JCAD: variants seen among roughly 807,000 people sequenced by gnomAD.
JCAD encodes the protein junctional cadherin 5-associated protein.
Under a neutral mutation model 98.0 loss-of-function variants are expected in JCAD, and 40 were observed. The ratio of observed to expected loss-of-function variants is 0.41; its 90% CI spans 0.32 to 0.53. The LOEUF (loss-of-function observed/expected upper bound fraction) is 0.53. Ranked by LOEUF, JCAD falls within the 20% of genes least tolerant of loss-of-function variation. The pLI is 0.31. For synonymous variants in JCAD, 691 were observed against 682.3 expected (o/e 1.01, Z -0.20); for missense variants, 1,705 against 1,738.1 (o/e 0.98, Z 0.34).
chr10:30,047,416 A>AC, intron 2 of JCAD, 116 bp downstream of exon 2: 1 of 1,253,402 alleles, frequency 8.0e-7, no homozygotes, highest in Non-Finnish European at 1.1e-6. Flanking sequence ...TGTGTCTAAT[A>AC]CCATTTCTCC....
chr10:30,045,664 A>C (rs888298653), intron 2 of JCAD, among the ~76,000 whole-genome samples: 3 of 152,196 alleles, frequency 2.0e-5, no homozygotes, highest in Non-Finnish European at 4.4e-5. Flanking sequence ...CATGCTGGAA[A>C]ATGGCAGCCA....
chr10:30,040,930 T>C (rs1275241452), intron 2 of JCAD, among the ~76,000 whole-genome samples: 2 of 152,144 alleles, frequency 1.3e-5, no homozygotes, highest in Non-Finnish European at 2.9e-5. Context: ...TCCAGTTCTC[T>C]AGCTGAAGGC....
chr10:30,020,326 C>CAAAAAAAAAA (rs59762991), intron 3 of JCAD, among the ~76,000 whole-genome samples: 15 of 83,018 alleles, frequency 1.8e-4, no homozygotes, highest in East Asian at 7.5e-4. Context: ...GACTCGGTCT[C>CAAAAAAAAAA]AAAAAAAAAA....
chr10:30,076,555 A>G (rs1314519553), intron 1 of JCAD, among the ~76,000 whole-genome samples: 3 of 152,140 alleles, frequency 2.0e-5, no homozygotes, highest in African/African-American at 7.2e-5. Flanking sequence ...ACTGTGGGTC[A>G]CACTCAGCTA....
intron 1 of JCAD, among the ~76,000 whole-genome samples, chr10:30,056,847 A>G (rs2132654490): frequency 6.6e-6 from 1 of 152,276 alleles, no homozygotes; most frequent in East Asian, 1.9e-4. Flanking sequence ...GTATTTTTCT[A>G]AACACCATTT....
chr10:30,050,671 G>A (rs928327982), intron 1 of JCAD, among the ~76,000 whole-genome samples: 6 of 152,148 alleles, frequency 3.9e-5, no homozygotes, highest in Non-Finnish European at 1.5e-5. Context: ...TCCTGGGGCT[G>A]GATAGGTTGG....
intron 2 of JCAD, among the ~76,000 whole-genome samples, chr10:30,031,438 ATTTTT>A (rs34213034): frequency 2.1e-5 from 2 of 97,084 alleles, no homozygotes; most frequent in South Asian, 3.5e-4. Context: ...GCCCATCTGT[ATTTTT>A]TTTTTTTTTT....
chr10:30,072,310 T>C (rs1837907505), intron 1 of JCAD, among the ~76,000 whole-genome samples: 1 of 152,246 alleles, frequency 6.6e-6, no homozygotes, highest in African/African-American at 2.4e-5. Flanking sequence ...CTCAGTAATG[T>C]GTATTTATGT....
chr10:30,069,879 C>T (rs1195760824), intron 1 of JCAD: 1 of 152,140 alleles, frequency 6.6e-6, no homozygotes, highest in Non-Finnish European at 1.5e-5. Flanking sequence ...TTCTTGAATT[C>T]TTTGTCAATT....
upstream of JCAD, among the ~76,000 whole-genome samples, chr10:30,059,919 C>T (rs527825637): frequency 6.6e-6 from 1 of 152,228 alleles, no homozygotes; most frequent in African/African-American, 2.4e-5. This position sits in a 1 kb window ranked among gnomAD's most constrained non-coding sequence, Gnocchi z 5.0. Flanking sequence ...CACAAACACA[C>T]TCACAGGAAA....
In JCAD at chr10:30,028,889, A is replaced by T. The variant is rs1370643911; in HGVS notation, c.1259T>A (p.Phe420Tyr). ...ATCATCAAAGGGAATGTACTGAACG[A>T]AGCCGTCATAGGCAGTGACAGGTCG... ...HPRPVTAYDG[F>Y]VQYIPFDDPR... The change falls in exon 3 of 4, where the codon TTC (phenylalanine) becomes TAC (tyrosine). Residue 420 changes from phenylalanine to tyrosine, a missense_variant. This residue lies in a region of JCAD where 1,278 missense variants were observed against 1,243.1 expected (regional missense o/e 1.03). Transcript: ENST00000375377. The T allele has an allele frequency of 1.2e-6, 2 of 1,614,196 alleles. No individual in the cohort carries two copies. Among genetic ancestry groups the T allele is most frequent in the African/African-American group, 2.7e-5 (2 of 75,054 alleles).
intron 1 of JCAD, among the ~76,000 whole-genome samples, chr10:30,096,619 G>A (rs1838372675): frequency 6.7e-6 from 1 of 149,748 alleles, no homozygotes; most frequent in South Asian, 2.1e-4. Flanking sequence ...AATGAGCTGG[G>A]ATTTTTTTTT....
At position 30,016,354 on chromosome 10, in the gene JCAD, G is replaced by A. The variant is rs1836533581; in HGVS notation, c.*1529C>T. 7.0e-6 allele frequency: 1 copy of A among 143,226 alleles called. No individual in the cohort carries two copies. Among genetic ancestry groups the A allele is most frequent in the Non-Finnish European group, 1.5e-5 (1 of 65,740 alleles). The allele number at this position is 143,226 out of a possible 1,614,324, so 8.9% of individuals were successfully genotyped here. On this transcript the variant is annotated 3_prime_UTR_variant, in exon 4 of 4. Transcript: ENST00000375377. ...AGGAGGACAGGGTGAAGGAAGGAGG[G>A]CAAGAGGTAGCAAGGGAGGGAGGAC...
intron 1 of JCAD, among the ~76,000 whole-genome samples, chr10:30,057,051 G>T (rs1837585285): frequency 6.6e-6 from 1 of 152,166 alleles, no homozygotes; most frequent in Non-Finnish European, 1.5e-5. Flanking sequence ...CAAGTAAACT[G>T]CAGTAATGGG....
intron 1 of JCAD, among the ~76,000 whole-genome samples, chr10:30,097,872 G>C (rs952423603): frequency 1.9e-4 from 29 of 152,142 alleles, no homozygotes; most frequent in African/African-American, 6.8e-4. Context: ...GAGAAAAACA[G>C]CCTGGGATTC....
chr10:30,084,838 T>TATCC (rs1040551463), intron 1 of JCAD, among the ~76,000 whole-genome samples: 46 of 152,170 alleles, frequency 3.0e-4, no homozygotes, highest in African/African-American at 7.9e-4. Flanking sequence ...TCTGTGTATC[T>TATCC]ATCCATCCAT....
intron 2 of JCAD, among the ~76,000 whole-genome samples, chr10:30,068,146 CG>C (rs1230468341): frequency 2.6e-5 from 4 of 151,942 alleles, no homozygotes; most frequent in Non-Finnish European, 5.9e-5. Flanking sequence ...CGTAGCACTT[CG>C]GGGGGCCGAG....
At chr10:30,046,861 G>A (rs1443682127) in intron 2 of JCAD, among the ~76,000 whole-genome samples, 1 of 152,226 alleles carries the variant, frequency 6.6e-6, no homozygotes, top group Non-Finnish European at 1.5e-5. Flanking sequence ...GGAGGCTGAG[G>A]TGGGAGGACT....
chr10:30,029,423 C>A lies in JCAD; in HGVS notation c.725G>T (p.Ser242Ile). ...TAATGGAATGGGAATTTCCGTGCAACTCAGGCTCTCGGGGGAAAGAACTCT... is the reference window on the plus strand; with the variant it reads ...TAATGGAATGGGAATTTCCGTGCAAATCAGGCTCTCGGGGGAAAGAACTCT... ...LPRVLSPESL[S>I]CTEIPIPLNE... The change falls in exon 3 of 4, where the codon AGT (serine) becomes ATT (isoleucine). Residue 242 changes from serine to isoleucine, a missense_variant. Physicochemically the swap from Ser to Ile is moderately radical, Grantham distance 142 (BLOSUM62 -2). This residue lies in a region of JCAD where 275 missense variants were observed against 346.9 expected (regional missense o/e 0.79). Transcript: ENST00000375377. 1 of 1,614,104 alleles carries A rather than the reference C, an allele frequency of 6.2e-7. No homozygotes were observed. The highest frequency in any genetic ancestry group is 8.5e-7 in the Non-Finnish European group (1 of 1,180,034).
Sources: gnomAD v4.1 joint callset for allele counts (sites outside exome capture counted in the v4.1 genomes callset) on GRCh38, gnomAD v4.1.1 for gene constraint, gnomAD v4.1.1 regional missense constraint, Gnocchi (gnomAD v3.1) non-coding constraint, MANE v1.5 for transcripts, NCBI Gene and HGNC (gene_info 2026-07-23, HGNC 2026-07-21) for gene names.